The following NTM variants were observed in gnomAD, a reference collection of about 807,000 sequenced individuals.
NTM encodes neurotrimin, also known as IgLON family member 2.
In NTM, 13 loss-of-function variants were observed where a neutral mutation model predicts 42.1. The observed-to-expected ratio is 0.31, with a 90% CI of 0.20 to 0.49. The LOEUF is 0.49. NTM is among the 20% of genes least tolerant of loss of function. The pLI, the probability that NTM is intolerant of heterozygous loss-of-function variation, is 0.99. For missense variants in NTM, 373 were observed against 452.8 expected, an observed-to-expected ratio of 0.82 and a Z score of 1.60; for synonymous variants, 187 against 179.2, an observed-to-expected ratio of 1.04 and a Z score of -0.35.
At chr11:132,179,398 TG>T (rs2077241210) in intron 3 of NTM, among the ~76,000 whole-genome samples, 1 of 151,828 alleles carries the variant, frequency 6.6e-6, no homozygotes, top group Admixed American at 6.6e-5. Flanking sequence ...AAGATGGAAG[TG>T]GGTAGGCAAA....
At chr11:131,762,220 C>T (rs1482886044) in intron 1 of NTM, among the ~76,000 whole-genome samples, 2 of 152,214 alleles carry the variant, frequency 1.3e-5, no homozygotes, top group Non-Finnish European at 2.9e-5. Flanking sequence ...CACTCTTTGC[C>T]TAGGTTCCCA....
chr11:132,306,959 C>T (rs2140175294), intron 4 of NTM, among the ~76,000 whole-genome samples: 1 of 152,264 alleles, frequency 6.6e-6, no homozygotes, highest in East Asian at 1.9e-4. Flanking sequence ...TAATTTTTCA[C>T]TGAAGACAAT....
chr11:131,515,053 C>G (rs917500805), intron 1 of NTM, among the ~76,000 whole-genome samples: 1 of 152,078 alleles, frequency 6.6e-6, no homozygotes, highest in South Asian at 2.1e-4. Flanking sequence ...GAACTACTAC[C>G]AGCATGTGCC....
intron 2 of NTM, among the ~76,000 whole-genome samples, chr11:132,069,695 G>A (rs1249700983): frequency 1.4e-4 from 21 of 148,708 alleles, no homozygotes; most frequent in African/African-American, 3.3e-4. Flanking sequence ...TAGTTAACAC[G>A]TCACACAGCC....
chr11:131,998,258 C>T (rs917501717), intron 2 of NTM, among the ~76,000 whole-genome samples: 9 of 152,132 alleles, frequency 5.9e-5, no homozygotes, highest in African/African-American at 1.7e-4. Flanking sequence ...TATGGGGACT[C>T]GTAAAAGCTG....
At chr11:131,416,535 G>A (rs1946977569) in intron 1 of NTM, among the ~76,000 whole-genome samples, 1 of 152,120 alleles carries the variant, frequency 6.6e-6, no homozygotes, top group African/African-American at 2.4e-5. Context: ...TACTCACTAT[G>A]CTTGGGGAGC....
At chr11:132,069,769 T>A (rs2057190566) in intron 2 of NTM, among the ~76,000 whole-genome samples, 1 of 143,170 alleles carries the variant, frequency 7.0e-6, no homozygotes. Context: ...AGTTAACACG[T>A]CAAACTGACG....
At chr11:131,772,159 T>A (rs1208878366) in intron 1 of NTM, among the ~76,000 whole-genome samples, 2 of 152,158 alleles carry the variant, frequency 1.3e-5, no homozygotes, top group African/African-American at 2.4e-5. Context: ...TCAGGGAGCT[T>A]GTGATCTGAA....
chr11:131,522,292 G>A (rs1055066251), intron 1 of NTM, among the ~76,000 whole-genome samples: 2 of 151,674 alleles, frequency 1.3e-5, no homozygotes, highest in Admixed American at 6.6e-5. Flanking sequence ...AGCCCTGTAC[G>A]CTCTCAGTTG....
intron 1 of NTM, among the ~76,000 whole-genome samples, chr11:131,414,664 C>T (rs1165333370): frequency 6.6e-6 from 1 of 152,158 alleles, no homozygotes; most frequent in Non-Finnish European, 1.5e-5. Context: ...CTGGTTTTTG[C>T]AAGTACTGGC....
chr11:131,624,006 C>A (rs1049401427), intron 1 of NTM, among the ~76,000 whole-genome samples: 5 of 152,180 alleles, frequency 3.3e-5, no homozygotes, highest in Non-Finnish European at 7.3e-5. Flanking sequence ...GCTCTTAATT[C>A]TTTCTGTGAA....
Position 131,682,972 on chromosome 11 carries a change from A to G in NTM, c.83-228592A>G, listed in dbSNP as rs560296626. ...GCAGGTAGATGTCGTACACATCCCAACACCAGCTCCCCACCGTTCTCTCTC... is the reference window on the plus strand; with the variant it reads ...GCAGGTAGATGTCGTACACATCCCAGCACCAGCTCCCCACCGTTCTCTCTC... On this transcript the variant is annotated intron_variant, in intron 1 of 8. Transcript: ENST00000683400. 5.5e-4 allele frequency among the ~76,000 whole-genome samples: 83 copies of G among 152,144 alleles called. 1 individual carries two copies. The highest frequency in any genetic ancestry group is 1.9e-3 in the African/African-American group (78 of 41,524).
At chr11:131,564,711 T>C (rs1307741821) in intron 1 of NTM, among the ~76,000 whole-genome samples, 3 of 152,218 alleles carry the variant, frequency 2.0e-5, no homozygotes, top group African/African-American at 7.2e-5. Flanking sequence ...TAATTTCTTA[T>C]GGCAAGAGCA....
chr11:132,316,443 A>G (rs987360826), intron 7 of NTM, among the ~76,000 whole-genome samples: 2 of 152,152 alleles, frequency 1.3e-5, no homozygotes, highest in East Asian at 3.9e-4. Flanking sequence ...CGTTTCTACC[A>G]TTGCCAGCTC....
At chr11:132,046,646 A>T (rs1045451542) in intron 2 of NTM, among the ~76,000 whole-genome samples, 1 of 152,142 alleles carries the variant, frequency 6.6e-6, no homozygotes, top group Non-Finnish European at 1.5e-5. Flanking sequence ...GAACATGCTG[A>T]GTACAGATAA....
intron 2 of NTM, among the ~76,000 whole-genome samples, chr11:132,044,901 C>CA (rs34965884): frequency 6.6e-6 from 1 of 151,664 alleles, no homozygotes; most frequent in African/African-American, 2.4e-5. Flanking sequence ...GCCTACCGAC[C>CA]AAAAAAAGCC....
At chr11:132,215,173 G>A (rs770866674) in intron 4 of NTM, among the ~76,000 whole-genome samples, 23 of 152,202 alleles carry the variant, frequency 1.5e-4, no homozygotes, top group Non-Finnish European at 2.9e-4. Context: ...AAGAAAGAGC[G>A]CTGTTGTCAT....
chr11:132,046,209 G>C (rs557897717), intron 2 of NTM, among the ~76,000 whole-genome samples: 1 of 152,134 alleles, frequency 6.6e-6, no homozygotes, highest in Non-Finnish European at 1.5e-5. Context: ...GCACAGACTG[G>C]ACCAGTGTGT....
intron 1 of NTM, among the ~76,000 whole-genome samples, chr11:131,788,837 C>T (rs535588842): frequency 8.5e-5 from 13 of 152,198 alleles, no homozygotes; most frequent in Non-Finnish European, 1.3e-4. Flanking sequence ...CCATGCTCTC[C>T]TTTTCAAGGG....
Sources: allele counts gnomAD v4.1 joint callset (sites outside exome capture counted in the v4.1 genomes callset), GRCh38; gene constraint gnomAD v4.1.1; transcripts MANE v1.5; gene names NCBI Gene and HGNC (gene_info 2026-07-23, HGNC 2026-07-21).